Variants in MAPK4 observed in about 807,000 individuals in gnomAD.
The protein encoded by MAPK4 is mitogen-activated protein kinase 4, also known as Erk3-related.
Under a neutral mutation model 47.7 loss-of-function variants are expected in MAPK4, and 22 were observed. That is an observed-to-expected ratio of 0.46 (90% CI 0.33 to 0.66). MAPK4 has a LOEUF of 0.66. MAPK4 is among the 30% of genes least tolerant of loss of function. The pLI is 0.02. For missense variants in MAPK4, 736 were observed against 831.7 expected (o/e 0.88, Z 1.42); for synonymous variants, 390 against 365.7 (o/e 1.07, Z -0.76).
intron 4 of MAPK4, among the ~76,000 whole-genome samples, chr18:50,722,536 A>C (rs891580304): frequency 6.6e-6 from 1 of 151,484 alleles, no homozygotes; most frequent in African/African-American, 2.4e-5. Context: ...TACTCCCTCT[A>C]CTGTATATTC....
At chr18:50,595,838 G>A (rs1418400169) in intron 1 of MAPK4, among the ~76,000 whole-genome samples, 3 of 151,802 alleles carry the variant, frequency 2.0e-5, no homozygotes, top group African/African-American at 7.3e-5. Flanking sequence ...TTCTTTTTTG[G>A]CAGCTTCATC....
chr18:50,667,047 C>T (rs1469950516), intron 2 of MAPK4, among the ~76,000 whole-genome samples: 1 of 152,206 alleles, frequency 6.6e-6, no homozygotes, highest in Non-Finnish European at 1.5e-5. Flanking sequence ...TGGAGGGTCT[C>T]TCTGAGCGCT....
At chr18:50,623,286 A>T (rs929736507) in intron 1 of MAPK4, among the ~76,000 whole-genome samples, 2 of 152,214 alleles carry the variant, frequency 1.3e-5, no homozygotes, top group Non-Finnish European at 2.9e-5. Context: ...CTCTTGATGC[A>T]TCAAGCTCCT....
At chr18:50,696,707 A>G (rs1909530560) in intron 2 of MAPK4, among the ~76,000 whole-genome samples, 1 of 152,240 alleles carries the variant, frequency 6.6e-6, no homozygotes, top group South Asian at 2.1e-4. Context: ...GCCCTTTTTA[A>G]CAGCGTAACT....
intron 2 of MAPK4, among the ~76,000 whole-genome samples, chr18:50,680,083 T>A (rs1369165895): frequency 9.0e-6 from 1 of 110,734 alleles, no homozygotes; most frequent in East Asian, 2.5e-4. Context: ...TTAAACTTTT[T>A]TTTTTTTTTT....
At position 50,578,875 on chromosome 18, in the gene MAPK4, C is replaced by T. The variant is rs561751519; in HGVS notation, c.-871+18632C>T. Among the ~76,000 whole-genome samples the T allele has an allele frequency of 6.6e-5, 10 of 152,176 alleles. No individual in the cohort carries two copies. In the East Asian group the frequency reaches 1.4e-3, roughly 21 times the overall value. Reference sequence around the variant, plus strand: ...GACTCAGAGGAGGCTTCCAGGAGCACGTGATGTCTGGGAGGAATCTTGGAA... The same window carrying T: ...GACTCAGAGGAGGCTTCCAGGAGCATGTGATGTCTGGGAGGAATCTTGGAA... On this transcript the variant is annotated intron_variant, in intron 1 of 5. Transcript: ENST00000400384.
At chr18:50,622,813 A>G (rs958218043) in intron 1 of MAPK4, among the ~76,000 whole-genome samples, 4 of 152,228 alleles carry the variant, frequency 2.6e-5, no homozygotes, top group African/African-American at 9.6e-5. Flanking sequence ...TGCTAAATGT[A>G]TGGGTTTCAG....
chr18:50,625,480 C>T (rs1368304925), intron 1 of MAPK4, among the ~76,000 whole-genome samples: 1 of 152,140 alleles, frequency 6.6e-6, no homozygotes, highest in Non-Finnish European at 1.5e-5. Flanking sequence ...ACCCCCATTC[C>T]GTGAGCAAAT....
At chr18:50,659,906 G>T (rs1391690401) in intron 1 of MAPK4, among the ~76,000 whole-genome samples, 3 of 152,158 alleles carry the variant, frequency 2.0e-5, no homozygotes, top group Non-Finnish European at 2.9e-5. Flanking sequence ...GCTGAGAATG[G>T]TTGGGCTTTG....
At chr18:50,626,694 CA>C (rs1185147561) in intron 1 of MAPK4, among the ~76,000 whole-genome samples, 2 of 152,174 alleles carry the variant, frequency 1.3e-5, no homozygotes, top group Non-Finnish European at 2.9e-5. Context: ...CCAGGCCCTT[CA>C]GGCTCCCAGG....
intron 1 of MAPK4, among the ~76,000 whole-genome samples, chr18:50,575,277 A>T (rs1477511981): frequency 1.3e-5 from 2 of 152,196 alleles, no homozygotes; most frequent in Non-Finnish European, 2.9e-5. Flanking sequence ...CAAGACACTG[A>T]ACCTGCCAGT....
chr18:50,638,307 G>A (rs1360394028), intron 1 of MAPK4, among the ~76,000 whole-genome samples: 1 of 152,172 alleles, frequency 6.6e-6, no homozygotes, highest in African/African-American at 2.4e-5. Flanking sequence ...AAAATATTAT[G>A]ATAAATCACA....
At chr18:50,722,150 T>A in intron 4 of MAPK4, 51 bp downstream of exon 4, 1 of 1,578,204 alleles carries the variant, frequency 6.3e-7, no homozygotes, top group Non-Finnish European at 8.6e-7. Flanking sequence ...TGAGCTAGGC[T>A]CCACCTTGCG....
chr18:50,719,926 TTC>T (rs1405930233), intron 3 of MAPK4, among the ~76,000 whole-genome samples: 2 of 152,160 alleles, frequency 1.3e-5, no homozygotes, highest in African/African-American at 4.8e-5. Context: ...CTCCTCACAT[TTC>T]TCTCTTACCA....
At chr18:50,653,207 A>AG (rs937825390) in intron 1 of MAPK4, among the ~76,000 whole-genome samples, 1 of 151,956 alleles carries the variant, frequency 6.6e-6, no homozygotes, top group African/African-American at 2.4e-5. Context: ...AAAAAAAAAA[A>AG]AGAACCAGGC....
At position 50,639,711 on chromosome 18, in the gene MAPK4, C is replaced by A. The variant is rs73437772; in HGVS notation, c.-870-23378C>A. Among the ~76,000 whole-genome samples the A allele has an allele frequency of 9.6e-3, 1,463 of 152,262 alleles. 24 individuals carry two copies. The highest frequency in any genetic ancestry group is 0.034 in the African/African-American group (1,399 of 41,542). On this transcript the variant is annotated intron_variant, in intron 1 of 5. Transcript: ENST00000400384. ...CACGTTTTCCGATGTCTTTAAATGG[C>A]CTTTTCAAACATAACTTTTCTTCCC...
chr18:50,609,398 C>T (rs970214548), intron 1 of MAPK4, among the ~76,000 whole-genome samples: 8 of 151,390 alleles, frequency 5.3e-5, no homozygotes, highest in African/African-American at 1.9e-4. Context: ...TGCCCCCCGC[C>T]TCCCTCCCGG....
At chr18:50,682,742 C>A (rs1253446111) in intron 2 of MAPK4, among the ~76,000 whole-genome samples, 1 of 152,090 alleles carries the variant, frequency 6.6e-6, no homozygotes, top group Non-Finnish European at 1.5e-5. Flanking sequence ...ATGTATTTAC[C>A]CAAGAGAAAT....
At chr18:50,650,534 C>A (rs2043037449) in intron 1 of MAPK4, among the ~76,000 whole-genome samples, 1 of 152,204 alleles carries the variant, frequency 6.6e-6, no homozygotes, top group Admixed American at 6.5e-5. Flanking sequence ...TCTTTTGTGG[C>A]TGGCCTTAAG....
Sources: allele counts gnomAD v4.1 joint callset (sites outside exome capture counted in the v4.1 genomes callset), GRCh38; gene constraint gnomAD v4.1.1; transcripts MANE v1.5; gene names NCBI Gene and HGNC (gene_info 2026-07-23, HGNC 2026-07-21).